The following UBE3D variants were observed in gnomAD, a reference collection of about 807,000 sequenced individuals.
UBE3D encodes ubiquitin protein ligase E3D.
A neutral mutation model predicts 49.6 loss-of-function variants in UBE3D; 48 were observed. That is an observed-to-expected ratio of 0.97 (90% confidence interval 0.77 to 1.23). UBE3D has a LOEUF of 1.23. UBE3D is among the 50% of genes most tolerant of loss of function. The pLI, the probability that UBE3D is intolerant of heterozygous loss-of-function variation, is 0.00. For missense variants in UBE3D, 452 were observed against 468.4 expected (o/e 0.96, Z 0.32); for synonymous variants, 189 against 174.2 (o/e 1.08, Z -0.67).
intron 8 of UBE3D, among the ~76,000 whole-genome samples, chr6:82,998,610 G>A (rs954349520): frequency 1.3e-5 from 2 of 152,144 alleles, no homozygotes; most frequent in Non-Finnish European, 2.9e-5. Flanking sequence ...TATATTTTAA[G>A]GGGATCATTT....
chr6:82,961,959 A>G (rs1200880475), intron 8 of UBE3D, among the ~76,000 whole-genome samples: 1 of 148,028 alleles, frequency 6.8e-6, no homozygotes, highest in East Asian at 2.0e-4. Context: ...AACAAAAAAA[A>G]AAACAAAAAA....
At chr6:82,957,509 CTGATA>C in intron 8 of UBE3D, 59 bp from the exon 9 acceptor site, 1 of 1,524,264 alleles carries the variant, frequency 6.6e-7, no homozygotes, top group Admixed American at 2.1e-5. Flanking sequence ...TTTTAAAAAT[CTGATA>C]TGAAAGAAGA....
intron 8 of UBE3D, among the ~76,000 whole-genome samples, chr6:82,986,481 A>G (rs1407254171): frequency 2.0e-5 from 3 of 149,760 alleles, no homozygotes; most frequent in African/African-American, 7.3e-5. Flanking sequence ...AAAAAAAAAA[A>G]AAAAAAAAAA....
chr6:83,001,770 A>T (rs932565761), intron 8 of UBE3D, among the ~76,000 whole-genome samples: 1 of 152,220 alleles, frequency 6.6e-6, no homozygotes, highest in Non-Finnish European at 1.5e-5. Flanking sequence ...TCTAGGAAGC[A>T]GATTTCTCTC....
intron 9 of UBE3D, among the ~76,000 whole-genome samples, chr6:82,953,369 G>A (rs185736961): frequency 6.6e-5 from 10 of 152,284 alleles, no homozygotes; most frequent in African/African-American, 2.2e-4. Context: ...TCTTCTTCGA[G>A]TTTTTCTCAT....
intron 9 of UBE3D, among the ~76,000 whole-genome samples, chr6:82,945,215 C>T (rs906457799): frequency 2.0e-5 from 3 of 152,166 alleles, no homozygotes; most frequent in African/African-American, 7.2e-5. Flanking sequence ...TGATGGTGGC[C>T]ACAGGGGCGA....
In UBE3D at chr6:83,024,437, G is replaced by C. The variant is rs75137543; in HGVS notation, c.668-399C>G. ...TTGGTTTTGATGTACTATTTTCCCA[G>C]ATAAAGGCAGTTCTAATGGCTTCCA... On this transcript the variant is annotated intron_variant, in intron 5 of 9. Coordinates refer to ENST00000369747, the MANE Select transcript of UBE3D (RefSeq NM_198920.3). Among the ~76,000 whole-genome samples the C allele has an allele frequency of 8.7e-3, 1,321 of 152,260 alleles. 15 individuals carry two copies. Among genetic ancestry groups the C allele is most frequent in the African/African-American group, 0.031 (1,276 of 41,532 alleles).
intron 1 of UBE3D, 94 bp downstream of exon 1, chr6:83,065,548 C>T (rs1467696241): frequency 1.6e-6 from 2 of 1,229,752 alleles, no homozygotes; most frequent in Non-Finnish European, 2.3e-6. Flanking sequence ...AGAAGAAACT[C>T]AAAATCCCTC....
chr6:82,916,172 T>C (rs1437045129), intron 9 of UBE3D, among the ~76,000 whole-genome samples: 3 of 152,216 alleles, frequency 2.0e-5, no homozygotes, highest in African/African-American at 7.2e-5. Context: ...TGAGGTCCTG[T>C]GGCCAGTGTG....
chr6:83,016,800 C>G (rs1340110018), intron 8 of UBE3D, among the ~76,000 whole-genome samples: 4 of 152,098 alleles, frequency 2.6e-5, no homozygotes, highest in African/African-American at 7.2e-5. Flanking sequence ...GGAAGCCAGT[C>G]CAAATCCCAA....
intron 6 of UBE3D, 55 bp from the exon 7 acceptor site, chr6:83,022,616 G>T: frequency 7.8e-7 from 1 of 1,289,884 alleles, no homozygotes; most frequent in Non-Finnish European, 1.0e-6. Context: ...ACTCTAACTG[G>T]CAAGATAAGC....
chr6:82,927,183 C>A (rs1215744363), intron 9 of UBE3D, among the ~76,000 whole-genome samples: 1 of 148,778 alleles, frequency 6.7e-6, no homozygotes, highest in African/African-American at 2.5e-5. Context: ...CATTTCTGGG[C>A]TTTCTATTCT....
intron 9 of UBE3D, among the ~76,000 whole-genome samples, chr6:82,920,871 C>CTCCCATTTTTTCCAGTATGGTA: frequency 6.6e-6 from 1 of 152,068 alleles, no homozygotes; most frequent in East Asian, 1.9e-4. Flanking sequence ...AAAGATTTAA[C>CTCCCATTTTTTCCAGTATGGTA]GCCCATTTTT....
intron 9 of UBE3D, among the ~76,000 whole-genome samples, chr6:82,922,657 G>C (rs1773431145): frequency 2.6e-5 from 1 of 38,046 alleles, no homozygotes; most frequent in African/African-American, 7.3e-5. Flanking sequence ...ATACCATTCA[G>C]GACATAGGCA....
At chr6:83,029,454 T>C (rs996496636) in intron 5 of UBE3D, among the ~76,000 whole-genome samples, 2 of 152,214 alleles carry the variant, frequency 1.3e-5, no homozygotes, top group East Asian at 3.8e-4. Flanking sequence ...TTATTTTTCT[T>C]TGATTTTTCT....
In UBE3D at chr6:83,011,965, T is replaced by C. The variant is rs142633617; in HGVS notation, c.1010+7008A>G. 2.9e-3 allele frequency among the ~76,000 whole-genome samples: 438 copies of C among 152,252 alleles called. 3 individuals are homozygous for C. The highest frequency in any genetic ancestry group is 0.01 in the African/African-American group (423 of 41,546). ...AGCATACACGGCCTTCTGGAGAACT[T>C]TGCCCCAGCCCTGCAAAGTATTGTT... On this transcript the variant is annotated intron_variant, in intron 8 of 9. Coordinates refer to ENST00000369747, the MANE Select transcript of UBE3D (RefSeq NM_198920.3).
chr6:83,023,900 T>C (rs1781272817), intron 6 of UBE3D, 69 bp downstream of exon 6: 15 of 1,071,942 alleles, frequency 1.4e-5, no homozygotes, highest in Non-Finnish European at 1.9e-5. Flanking sequence ...AACCAAAAAA[T>C]AAAAAATAAA....
At chr6:82,912,508 CTT>C (rs1394167691) in intron 9 of UBE3D, among the ~76,000 whole-genome samples, 1 of 151,756 alleles carries the variant, frequency 6.6e-6, no homozygotes, top group Non-Finnish European at 1.5e-5. Context: ...TAAAATTAGT[CTT>C]TTTTCCAATG....
chr6:82,955,318 A>C (rs1001770680), intron 9 of UBE3D, among the ~76,000 whole-genome samples: 2 of 152,204 alleles, frequency 1.3e-5, no homozygotes, highest in Non-Finnish European at 2.9e-5. Flanking sequence ...ATTCCTCTCA[A>C]GTTAAATCAT....
Sources: gnomAD v4.1 joint callset for allele counts (sites outside exome capture counted in the v4.1 genomes callset) on GRCh38, gnomAD v4.1.1 for gene constraint, MANE v1.5 for transcripts, NCBI Gene and HGNC (gene_info 2026-07-23, HGNC 2026-07-21) for gene names.